Variants in SSU72 observed in about 807,000 individuals in gnomAD.
SSU72 encodes RNA polymerase II subunit A C-terminal domain phosphatase SSU72.
Under a neutral mutation model 22.7 loss-of-function variants are expected in SSU72, and 12 were observed. That is an observed-to-expected ratio of 0.53 (90% CI 0.34 to 0.86). The LOEUF (loss-of-function observed/expected upper bound fraction) is 0.86, where lower values mean the gene tolerates loss of function less well. Ranked by LOEUF, SSU72 falls within the 40% of genes least tolerant of loss-of-function variation. SSU72 has a pLI of 0.02. For synonymous variants in SSU72, 116 were observed against 98.3 expected, an observed-to-expected ratio of 1.18 and a Z score of -1.06; for missense variants, 151 against 249.8, an observed-to-expected ratio of 0.60 and a Z score of 2.67.
intron 1 of SSU72, among the ~76,000 whole-genome samples, chr1:1,570,349 G>A (rs1642712774): frequency 6.6e-6 from 1 of 151,442 alleles, no homozygotes; most frequent in South Asian, 2.1e-4. Context: ...ATAAGGCCAA[G>A]CTAGAAAACC....
intron 2 of SSU72, chr1:1,562,071 T>C (rs990492987): frequency 6.6e-6 from 1 of 152,270 alleles, no homozygotes; most frequent in Non-Finnish European, 1.5e-5. Context: ...TCTTTTAGAA[T>C]GACCAGAGAC....
intron 2 of SSU72, among the ~76,000 whole-genome samples, chr1:1,557,736 T>G (rs1642538124): frequency 6.6e-6 from 1 of 151,056 alleles, no homozygotes; most frequent in Non-Finnish European, 1.5e-5. Context: ...AGGCAAAGAT[T>G]GCAGTGAGCC....
chr1:1,565,267 G>A (rs1485089689), intron 1 of SSU72, among the ~76,000 whole-genome samples: 1 of 152,152 alleles, frequency 6.6e-6, no homozygotes, highest in African/African-American at 2.4e-5. Context: ...CAGCTACTCG[G>A]GAGGCTGAGG....
intron 2 of SSU72, among the ~76,000 whole-genome samples, chr1:1,547,404 A>G (rs1642402739): frequency 6.6e-6 from 1 of 152,232 alleles, no homozygotes; most frequent in African/African-American, 2.4e-5. Context: ...AGAAATGTCT[A>G]CTTCAGGGAC....
rs142381924 is a variant in SSU72 at position 1,568,581 on chromosome 1, G to A, written c.81-3665C>T. ...TGATGGTGCCACTGCACTCCCGCCT[G>A]GGTGACAAAGTGAGACTCTGTCTCA... On this transcript the variant is annotated intron_variant, in intron 1 of 4. Coordinates refer to ENST00000291386, the MANE Select transcript of SSU72 (RefSeq NM_014188.3). Among the ~76,000 whole-genome samples the A allele has an allele frequency of 3.6e-3, 546 of 152,202 alleles. 5 individuals carry two copies. The highest frequency in any genetic ancestry group is 0.012 in the African/African-American group (506 of 41,522).
chr1:1,552,533 G>T (rs746506552), intron 2 of SSU72, among the ~76,000 whole-genome samples: 1 of 150,422 alleles, frequency 6.6e-6, no homozygotes, highest in Non-Finnish European at 1.5e-5. Context: ...GATTCCTCCC[G>T]AGCCCCCAGC....
intron 1 of SSU72, among the ~76,000 whole-genome samples, chr1:1,570,922 C>T (rs941804659): frequency 1.1e-4 from 16 of 145,570 alleles, no homozygotes; most frequent in East Asian, 2.0e-4. Flanking sequence ...CCACCCTGGC[C>T]AACACAGTCA....
chr1:1,551,490 A>G (rs1335616976), intron 2 of SSU72, among the ~76,000 whole-genome samples: 1 of 152,136 alleles, frequency 6.6e-6, no homozygotes. Flanking sequence ...TACAAAGTAA[A>G]TTTCACTTGC....
intron 1 of SSU72, among the ~76,000 whole-genome samples, chr1:1,572,437 T>C (rs962825404): frequency 3.4e-5 from 5 of 149,034 alleles, no homozygotes; most frequent in African/African-American, 9.9e-5. Context: ...AAAAAATATA[T>C]ATTCTACTCC....
chr1:1,556,156 G>A (rs1642518112), intron 2 of SSU72, among the ~76,000 whole-genome samples: 1 of 152,194 alleles, frequency 6.6e-6, no homozygotes, highest in Non-Finnish European at 1.5e-5. Flanking sequence ...AGTTTGGCCA[G>A]GCACGGTGGC....
chr1:1,572,047 G>A (rs1037127586), intron 1 of SSU72, among the ~76,000 whole-genome samples: 5 of 149,734 alleles, frequency 3.3e-5, no homozygotes, highest in Non-Finnish European at 7.4e-5. Flanking sequence ...CACCTGCCTC[G>A]GCCTCCCAAA....
At chr1:1,548,103 C>T (rs1046944142) in intron 2 of SSU72, among the ~76,000 whole-genome samples, 1 of 152,332 alleles carries the variant, frequency 6.6e-6, no homozygotes, top group South Asian at 2.1e-4. Context: ...GATGTGCCAT[C>T]CATAGAATCG....
chr1:1,555,637 G>C (rs574647211), intron 2 of SSU72, among the ~76,000 whole-genome samples: 9 of 152,348 alleles, frequency 5.9e-5, no homozygotes, highest in African/African-American at 2.2e-4. Flanking sequence ...TCCCGGGATG[G>C]ACTGGGATCC....
intron 2 of SSU72, chr1:1,560,899 C>T (rs1311407264): frequency 6.6e-6 from 1 of 152,224 alleles, no homozygotes; most frequent in Non-Finnish European, 1.5e-5. Flanking sequence ...CTTTAAAACA[C>T]TGTCTCGGGC....
rs76141345 is a variant in SSU72 at position 1,556,542 on chromosome 1, CA to C, written c.224+8230del. Among the ~76,000 whole-genome samples the C allele has an allele frequency of 1.7e-3, 249 of 142,882 alleles. 2 individuals are homozygous for C. Among genetic ancestry groups the C allele is most frequent in the African/African-American group, 4.9e-3 (194 of 39,250 alleles). The allele number at this position is 142,882 out of a possible 152,430, so 93.7% of individuals were successfully genotyped here. A position where few individuals can be genotyped will look rare whatever the true frequency, so the allele number is the denominator to read the frequency against. On this transcript the variant is annotated intron_variant, in intron 2 of 4. Coordinates refer to ENST00000291386, the MANE Select transcript of SSU72 (RefSeq NM_014188.3). ...GGCAAAAAGAGCAAAACTCTTGTCTCAAAAAAAAAAAAATTTCATTTTGATA... is the reference window on the plus strand; with the variant it reads ...GGCAAAAAGAGCAAAACTCTTGTCTCAAAAAAAAAAAATTTCATTTTGATA...
chr1:1,556,298 G>A (rs1642519820), intron 2 of SSU72, among the ~76,000 whole-genome samples: 1 of 152,198 alleles, frequency 6.6e-6, no homozygotes, highest in Non-Finnish European at 1.5e-5. Context: ...CAGGCGTGGT[G>A]GCGGCGTGCC....
intron 2 of SSU72, among the ~76,000 whole-genome samples, chr1:1,550,920 G>A (rs1374412100): frequency 6.6e-6 from 1 of 152,074 alleles, no homozygotes; most frequent in Non-Finnish European, 1.5e-5. Flanking sequence ...CGTGGTCTAG[G>A]ACCTCCTCTT....
Position 1,542,165 on chromosome 1 carries a change from G to A in SSU72, c.486C>T (p.Ile162=). Residue 162 remains isoleucine (I), a splice_region_variant and synonymous_variant, in exon 5 of 5, where the codon ATC becomes ATT. Coordinates refer to ENST00000291386, the MANE Select transcript of SSU72 (RefSeq NM_014188.3). This position sits in a 1 kb window ranked among gnomAD's most constrained non-coding sequence, Gnocchi z 4.4. The part of the protein sequence containing the change: ...AFLICELCQC[I]QHTEDMENEI... The stretch of plus-strand genomic sequence containing the variant: ...CGTTCTCCATGTCTTCCGTGTGCTG[G>A]ATCTGCAAGGACAGGACCGTGGTGA... The A allele has an allele frequency of 6.3e-7, 1 of 1,581,878 alleles. No homozygotes were observed. The highest frequency in any genetic ancestry group is 8.6e-7 in the Non-Finnish European group (1 of 1,163,880).
chr1:1,568,421 G>C (rs991533014), intron 1 of SSU72, among the ~76,000 whole-genome samples: 2 of 151,716 alleles, frequency 1.3e-5, no homozygotes, highest in Admixed American at 1.3e-4. Flanking sequence ...ACAAAACCCC[G>C]TCTCTACTTT....
Sources: allele counts gnomAD v4.1 joint callset (sites outside exome capture counted in the v4.1 genomes callset), GRCh38; gene constraint gnomAD v4.1.1; non-coding constraint Gnocchi (gnomAD v3.1); transcripts MANE v1.5; gene names NCBI Gene and HGNC (gene_info 2026-07-23, HGNC 2026-07-21).